Variants in PTPRD observed in about 807,000 individuals in gnomAD.
The protein encoded by PTPRD is protein tyrosine phosphatase receptor type D, also known as receptor-type tyrosine-protein phosphatase delta.
Under a neutral mutation model 214.5 loss-of-function variants are expected in PTPRD, and 34 were observed. That is an observed-to-expected ratio of 0.16 (90% CI 0.12 to 0.21). PTPRD has a LOEUF of 0.21. Among genes scored for constraint, PTPRD ranks in the 10% least tolerant of loss-of-function variants. The pLI, the probability that PTPRD is intolerant of heterozygous loss-of-function variation, is 1.00. For synonymous variants in PTPRD, 1,128 were observed against 845.7 expected, an observed-to-expected ratio of 1.33 and a Z score of -5.79; for missense variants, 2,545 against 2,398.7, an observed-to-expected ratio of 1.06 and a Z score of -1.27.
intron 11 of PTPRD, among the ~76,000 whole-genome samples, chr9:8,930,835 G>A (rs576110246): frequency 1.0e-3 from 155 of 151,996 alleles, no homozygotes; most frequent in Non-Finnish European, 1.9e-3. Context: ...AAATTTGTTT[G>A]AGTTCTTTGT....
At chr9:8,571,699 G>A (rs750930624) in intron 14 of PTPRD, among the ~76,000 whole-genome samples, 7 of 152,002 alleles carry the variant, frequency 4.6e-5, no homozygotes, top group Non-Finnish European at 1.0e-4. Flanking sequence ...AGTGTAAGTG[G>A]GTTCTTCCAT....
chr9:8,643,558 C>T (rs2096622741), intron 12 of PTPRD, among the ~76,000 whole-genome samples: 1 of 152,184 alleles, frequency 6.6e-6, no homozygotes, highest in Non-Finnish European at 1.5e-5. Context: ...GGACGCAGGG[C>T]ATAGGGGAAG....
chr9:8,465,058 T>C (rs182277384), intron 32 of PTPRD, among the ~76,000 whole-genome samples: 2 of 152,052 alleles, frequency 1.3e-5, no homozygotes, highest in Admixed American at 6.6e-5. Flanking sequence ...TGAGTTCCCA[T>C]TGCAATCACA....
At chr9:9,528,159 CAGAG>C (rs1306105834) in intron 8 of PTPRD, among the ~76,000 whole-genome samples, 2 of 152,122 alleles carry the variant, frequency 1.3e-5, no homozygotes, top group African/African-American at 4.8e-5. Context: ...GAGTAAGCTG[CAGAG>C]AGAGATAATT....
chr9:9,482,954 C>A (rs953503831), intron 8 of PTPRD, among the ~76,000 whole-genome samples: 2 of 152,068 alleles, frequency 1.3e-5, no homozygotes, highest in Non-Finnish European at 2.9e-5. Flanking sequence ...TAAGTAAAGC[C>A]AGTAAAATTA....
At chr9:10,122,016 T>G (rs2154249164) in intron 3 of PTPRD, among the ~76,000 whole-genome samples, 1 of 152,296 alleles carries the variant, frequency 6.6e-6, no homozygotes, top group Admixed American at 6.5e-5. Flanking sequence ...GTACTTAAAC[T>G]TAAGTTCTTG....
intron 9 of PTPRD, among the ~76,000 whole-genome samples, chr9:9,248,035 G>A (rs1040478752): frequency 2.6e-5 from 4 of 151,974 alleles, no homozygotes; most frequent in Non-Finnish European, 5.9e-5. Context: ...TAGGTATTGA[G>A]TAACGTGTTA....
chr9:10,606,085 A>T (rs1256356814), intron 2 of PTPRD, among the ~76,000 whole-genome samples: 2 of 151,800 alleles, frequency 1.3e-5, no homozygotes, highest in Admixed American at 6.6e-5. Context: ...ATCAAACAGG[A>T]ATTACTATGG....
chr9:10,009,274 A>C (rs1303674276), intron 4 of PTPRD, among the ~76,000 whole-genome samples: 6 of 151,966 alleles, frequency 3.9e-5, no homozygotes, highest in South Asian at 2.1e-4. Context: ...CCGAGGCTCA[A>C]AGTACAGTCT....
At chr9:9,430,425 A>G (rs560285649) in intron 8 of PTPRD, among the ~76,000 whole-genome samples, 19 of 151,846 alleles carry the variant, frequency 1.3e-4, no homozygotes, top group Admixed American at 9.2e-4. Flanking sequence ...ATGGAAGAAC[A>G]TTCCATGTTC....
intron 11 of PTPRD, among the ~76,000 whole-genome samples, chr9:8,756,470 G>A (rs1283201519): frequency 6.6e-6 from 1 of 152,150 alleles, no homozygotes; most frequent in Non-Finnish European, 1.5e-5. Context: ...AAATCCATCT[G>A]CAATTTCTTC....
chr9:9,039,444 G>A (rs1054704182), intron 10 of PTPRD, among the ~76,000 whole-genome samples: 9 of 152,160 alleles, frequency 5.9e-5, no homozygotes, highest in African/African-American at 2.2e-4. Flanking sequence ...TCTAATCATC[G>A]AACACAGAGG....
intron 6 of PTPRD, among the ~76,000 whole-genome samples, chr9:9,740,361 A>AC (rs376126306): frequency 6.9e-6 from 1 of 145,600 alleles, no homozygotes; most frequent in Non-Finnish European, 1.5e-5. Context: ...TAAAACTACT[A>AC]TTTTTTTTTT....
chr9:8,822,445 G>A (rs904249175), intron 11 of PTPRD, among the ~76,000 whole-genome samples: 5 of 152,130 alleles, frequency 3.3e-5, no homozygotes, highest in Non-Finnish European at 5.9e-5. Flanking sequence ...ACAGCCAGGC[G>A]CTCACTACAA....
chr9:10,079,816 G>A (rs2098203264), intron 3 of PTPRD, among the ~76,000 whole-genome samples: 1 of 152,000 alleles, frequency 6.6e-6, no homozygotes, highest in Non-Finnish European at 1.5e-5. Flanking sequence ...TGCAAAATAG[G>A]TCTATTGTCA....
rs4740945 is a variant in PTPRD, at chr9:8,373,852, A to C, written c.4661+2084T>G. 2.3e-3 allele frequency among the ~76,000 whole-genome samples: 264 copies of C among 113,058 alleles called. 5 individuals are homozygous for C. The highest frequency in any genetic ancestry group is 0.012 in the East Asian group (48 of 4,018). The allele number at this position is 113,058 out of a possible 152,430, so 74.2% of individuals were successfully genotyped here. On this transcript the variant is annotated intron_variant, in intron 39 of 45. Transcript: ENST00000381196. The stretch of plus-strand genomic sequence containing the variant: ...TGTATGTATGTATGTATGTATGTGT[A>C]TGTGTCTGTCTGTCTATCTATCTAT...
chr9:10,113,394 C>T (rs1049334149), intron 3 of PTPRD, among the ~76,000 whole-genome samples: 2 of 152,172 alleles, frequency 1.3e-5, no homozygotes, highest in Non-Finnish European at 2.9e-5. Flanking sequence ...ATTCCCACAC[C>T]GTGCTTCCTC....
chr9:10,476,930 C>G (rs1315264599), intron 2 of PTPRD, among the ~76,000 whole-genome samples: 1 of 152,006 alleles, frequency 6.6e-6, no homozygotes, highest in Non-Finnish European at 1.5e-5. Flanking sequence ...ACAAGGCTAG[C>G]CATATCCAGA....
At chr9:9,958,260 T>G (rs1190375485) in intron 4 of PTPRD, among the ~76,000 whole-genome samples, 1 of 152,224 alleles carries the variant, frequency 6.6e-6, no homozygotes, top group Non-Finnish European at 1.5e-5. Context: ...CTGGGTGCAG[T>G]GGCTCACGCC....
Sources: gnomAD v4.1 joint callset for allele counts (sites outside exome capture counted in the v4.1 genomes callset) on GRCh38, gnomAD v4.1.1 for gene constraint, MANE v1.5 for transcripts, NCBI Gene and HGNC (gene_info 2026-07-23, HGNC 2026-07-21) for gene names.